Variants in TBRG4 observed in about 807,000 individuals in gnomAD.
TBRG4 encodes the protein FAST kinase domain-containing protein 4.
TBRG4 carries 43 observed loss-of-function variants against 65.6 expected under a neutral mutation model. The observed-to-expected ratio is 0.66, with a 90% CI of 0.51 to 0.85. The LOEUF is 0.85. Among genes scored for constraint, TBRG4 ranks in the 40% least tolerant of loss-of-function variants. The pLI, the probability that TBRG4 is intolerant of heterozygous loss-of-function variation, is 0.00. For missense variants in TBRG4, 709 were observed against 787.9 expected (o/e 0.90, Z 1.20); for synonymous variants, 366 against 341.4 (o/e 1.07, Z -0.79).
chr7:45,101,235 C>A (rs756535264), intron 10 of TBRG4, 23 bp downstream of exon 10: 1 of 1,603,908 alleles, frequency 6.2e-7, no homozygotes, highest in South Asian at 1.1e-5. Flanking sequence ...TGTGCAGTGA[C>A]CACCTGCCCA....
intron 1 of TBRG4, among the ~76,000 whole-genome samples, chr7:45,111,148 G>T (rs555838207): frequency 1.3e-5 from 2 of 152,054 alleles, no homozygotes; most frequent in Non-Finnish European, 2.9e-5. Flanking sequence ...GCTAATTTTT[G>T]TATTTTTAGT....
rs758019719 is a variant in TBRG4, at chr7:45,108,881, G to A, written c.357C>T (p.Gly119=). Residue 119 remains glycine, a synonymous_variant, in exon 2 of 11, where the codon GGC becomes GGT. Coordinates refer to ENST00000258770, the MANE Select transcript of TBRG4 (RefSeq NM_004749.4). ...HLLSEKPEDK[G]LLIQDAHFHQ... is the part of the protein sequence containing the mutation. ...GAAAGTGGGCATCCTGTATGAGCAA[G>A]CCTTTATCTTCTGGCTTCTCAGACA... 7 of 1,574,482 alleles carry A rather than the reference G, an allele frequency of 4.4e-6. No homozygotes were observed. Among genetic ancestry groups the A allele is most frequent in the Non-Finnish European group, 6.0e-6 (7 of 1,163,936 alleles).
At position 45,102,070 on chromosome 7, in the gene TBRG4, C is replaced by G; in HGVS notation, c.1322G>C (p.Gly441Ala). 6.4e-7 allele frequency: 1 copy of G among 1,568,734 alleles called. No homozygotes were observed. Among genetic ancestry groups the G allele is most frequent in the Non-Finnish European group, 8.6e-7 (1 of 1,164,610 alleles). ...LHPEFHIQFL[G>A]GKSQKDQNTF... ...GTTCTGATCCTTCTGAGACTTGCCC[C>G]CTAGGAGACAAGGAGAAAGAAGAGG... Residue 441 changes from glycine to alanine, a missense_variant and splice_region_variant, in exon 8 of 11, where the codon GGG becomes GCG. By Grantham distance (60) the Gly-to-Ala change is moderately conservative (BLOSUM62 0). Transcript: ENST00000258770.
At chr7:45,108,554 C>T (rs1036304726) in intron 2 of TBRG4, among the ~76,000 whole-genome samples, 1 of 152,258 alleles carries the variant, frequency 6.6e-6, no homozygotes, top group Non-Finnish European at 1.5e-5. Flanking sequence ...ACCCAAAGAA[C>T]TGAGAAGAAC....
At position 45,104,129 on chromosome 7, in the gene TBRG4, G is replaced by A. The variant is rs775275038; in HGVS notation, c.1035C>T (p.Leu345=). 10 of 1,612,328 alleles carry A rather than the reference G, an allele frequency of 6.2e-6. No individual in the cohort carries two copies. Residue 345 remains leucine, a synonymous_variant, in exon 5 of 11, where the codon CTC becomes CTT. Coordinates refer to ENST00000258770, the MANE Select transcript of TBRG4 (RefSeq NM_004749.4). ...CAKSFALLKW[L]SLPLFEAFAQ... is the part of the protein sequence containing the mutation. Reference sequence around the variant, plus strand: ...CAAAGGCCTCAAACAGGGGCAGGCTGAGCCACTTGAGTAAGGCGAAGGACT... The same window carrying A: ...CAAAGGCCTCAAACAGGGGCAGGCTAAGCCACTTGAGTAAGGCGAAGGACT...
At chr7:45,103,483 T>G in intron 5 of TBRG4, 40 bp from the exon 6 acceptor site, 17 of 1,325,076 alleles carry the variant, frequency 1.3e-5, no homozygotes, top group African/African-American at 2.3e-5. Flanking sequence ...GAATAAGCTC[T>G]CTGCCCAGCA....
intron 10 of TBRG4, 104 bp from the exon 11 acceptor site, chr7:45,100,530 A>G (rs1436655837): frequency 1.2e-6 from 1 of 826,730 alleles, no homozygotes; most frequent in Non-Finnish European, 2.0e-6. Flanking sequence ...CTCACCCAAC[A>G]CCTCTGCTGA....
intron 8 of TBRG4, 99 bp from the exon 9 acceptor site, chr7:45,101,713 C>A (rs759217832): frequency 1.8e-5 from 29 of 1,594,888 alleles, no homozygotes; most frequent in Non-Finnish European, 2.3e-5. Context: ...GGAGCCCAGG[C>A]TGACACCCTG....
intron 3 of TBRG4, chr7:45,104,959 C>G: frequency 1.3e-6 from 1 of 774,334 alleles, no homozygotes; most frequent in Non-Finnish European, 2.3e-6. Flanking sequence ...ACCCAGGGCC[C>G]ATGAGCTGTG....
rs148441357 is a variant in TBRG4 at position 45,101,585 on chromosome 7, C to T, written c.1597G>A (p.Glu533Lys). ...DAEVLLDSDG[E>K]FLPVRDFVAP... ...ACAAAGTCCCTTACGGGCAGAAACT[C>T]GCCGTCACTGTCCAGCAGCACCTCA... The change falls in exon 9 of 11, where the codon GAG (glutamate) becomes AAG (lysine). Residue 533 changes from glutamate (E) to lysine (K), a missense_variant. Physicochemically the swap from Glu to Lys is moderately conservative, Grantham distance 56 (BLOSUM62 1). Transcript: ENST00000258770. 1.2e-5 allele frequency: 20 copies of T among 1,613,718 alleles called. No homozygotes were observed. Among genetic ancestry groups the T allele is most frequent in the African/African-American group, 4.0e-5 (3 of 75,032 alleles).
At chr7:45,102,978 C>T in intron 6 of TBRG4, 1 of 357,368 alleles carries the variant, frequency 2.8e-6, no homozygotes, top group Non-Finnish European at 5.3e-6. Flanking sequence ...GCCTGCTGGC[C>T]TCTGTGGCTG....
rs1242974300 is a variant in TBRG4 at position 45,101,343 on chromosome 7, T to C, written c.1709A>G (p.Asn570Ser). Reference protein sequence around the residue: ...RLAFLRWEFPNFNSRSKDLLG... With the variant: ...RLAFLRWEFPSFNSRSKDLLG... ...CAAGTCCTTGCTTCGGCTGTTGAAGTTGGGGAACTCCCACCGCAAGAACGC... is the reference window on the plus strand; with the variant it reads ...CAAGTCCTTGCTTCGGCTGTTGAAGCTGGGGAACTCCCACCGCAAGAACGC... Residue 570 changes from asparagine to serine, a missense_variant, in exon 10 of 11, where the codon AAC becomes AGC. Transcript: ENST00000258770. 4 of 1,613,716 alleles carry C rather than the reference T, an allele frequency of 2.5e-6. No homozygotes were observed. The African/African-American group carries it at 4.0e-5, about 16-fold the overall frequency.
At chr7:45,103,292 G>A in intron 6 of TBRG4, 41 bp downstream of exon 6, 2 of 1,507,980 alleles carry the variant, frequency 1.3e-6, no homozygotes, top group Non-Finnish European at 1.8e-6. Context: ...TTAGCTGAAG[G>A]GGAGGATAAA....
Position 45,104,108 on chromosome 7 carries a change from G to T in TBRG4, c.1056C>A (p.Ala352=). Residue 352 remains alanine, a synonymous_variant, in exon 5 of 11, where the codon GCC becomes GCA. Transcript: ENST00000258770. ...LKWLSLPLFE[A]FAQHVLNRAQ... is the part of the protein sequence containing the mutation. ...CCAGGCCCTGGCTCACCTGGGCAAA[G>T]GCCTCAAACAGGGGCAGGCTGAGCC... The T allele has an allele frequency of 6.2e-7, 1 of 1,605,986 alleles. No homozygotes were observed. Among genetic ancestry groups the T allele is most frequent in the South Asian group, 1.1e-5 (1 of 89,798 alleles).
Position 45,109,143 on chromosome 7 carries a change from G to GC in TBRG4, c.94dup (p.Ala32GlyfsTer6). The GC allele has an allele frequency of 1.9e-6, 3 of 1,614,166 alleles. No individual in the cohort carries two copies. The highest frequency in any genetic ancestry group is 1.7e-6 in the Non-Finnish European group (2 of 1,180,020). On this transcript the variant is annotated frameshift_variant, in exon 2 of 11. Transcript: ENST00000258770. LOFTEE classifies it high-confidence loss of function. Reference sequence around the variant, plus strand: ...AGTCAGAGTCTTATGGGCTACCCAGGCAAGTCTCAGTCGGCCAACTGGAGC... The same window carrying GC: ...AGTCAGAGTCTTATGGGCTACCCAGGCCAAGTCTCAGTCGGCCAACTGGAGC...
rs572270082 is a variant in TBRG4 at position 45,101,141 on chromosome 7, C to T, written c.1794+117G>A. The T allele has an allele frequency of 9.0e-5, 88 of 978,426 alleles. 1 individual carries two copies. The highest frequency in any genetic ancestry group is 8.0e-4 in the African/African-American group (49 of 61,372). The allele number at this position is 978,426 out of a possible 1,614,324, so 60.6% of individuals were successfully genotyped here. On this transcript the variant is annotated intron_variant, in intron 10 of 10. Coordinates refer to ENST00000258770, the MANE Select transcript of TBRG4 (RefSeq NM_004749.4). ...CCTCCCTGGGCTCCTGGGAGAGGCC[C>T]GGGGCCACGGGCAGGGCATGTGTCT... is the stretch of plus-strand genomic sequence containing the variant.
intron 2 of TBRG4, chr7:45,107,924 G>T (rs961798344): frequency 6.6e-6 from 1 of 152,216 alleles, no homozygotes; most frequent in Admixed American, 6.5e-5. Flanking sequence ...ACACAACACA[G>T]GCATATATAT....
intron 1 of TBRG4, 107 bp from the exon 2 acceptor site, chr7:45,109,394 GTCTT>G: frequency 2.1e-6 from 2 of 965,534 alleles, no homozygotes; most frequent in African/African-American, 1.6e-5. Context: ...ATCAGACTAA[GTCTT>G]TCTTGACAAT....
Position 45,108,920 on chromosome 7 carries a change from C to A in TBRG4, c.318G>T (p.Arg106=). ...DSNQAAMVLI[R]LSHLLSEKPE... Reference sequence around the variant, plus strand: ...GCTTCTCAGACAGCAAGTGAGAGAGCCGGATAAGTACCATTGCTGCTTGAT... The same window carrying A: ...GCTTCTCAGACAGCAAGTGAGAGAGACGGATAAGTACCATTGCTGCTTGAT... Residue 106 remains arginine, a synonymous_variant, in exon 2 of 11, where the codon CGG becomes CGT. Coordinates refer to ENST00000258770, the MANE Select transcript of TBRG4 (RefSeq NM_004749.4). The A allele has an allele frequency of 6.2e-7, 1 of 1,605,208 alleles. No individual in the cohort carries two copies. The highest frequency in any genetic ancestry group is 8.5e-7 in the Non-Finnish European group (1 of 1,176,752).
Sources: allele counts gnomAD v4.1 joint callset (sites outside exome capture counted in the v4.1 genomes callset), GRCh38; gene constraint gnomAD v4.1.1; transcripts MANE v1.5; gene names NCBI Gene and HGNC (gene_info 2026-07-23, HGNC 2026-07-21).